The following GRID2 variants were observed in gnomAD, a reference collection of about 807,000 sequenced individuals.
GRID2 encodes glutamate ionotropic receptor delta type subunit 2.
In GRID2, 33 loss-of-function variants were observed where a neutral mutation model predicts 114.8. The observed-to-expected ratio is 0.29, with a 90% CI of 0.22 to 0.38. The LOEUF (loss-of-function observed/expected upper bound fraction) is 0.38, where lower values mean the gene tolerates loss of function less well. Ranked by LOEUF, GRID2 falls within the 10% of genes least tolerant of loss-of-function variation. The pLI, the probability that GRID2 is intolerant of heterozygous loss-of-function variation, is 1.00. For missense variants in GRID2, 1,184 were observed against 1,257.7 expected (o/e 0.94, Z 0.89); for synonymous variants, 505 against 449.9 (o/e 1.12, Z -1.55).
intron 2 of GRID2, among the ~76,000 whole-genome samples, chr4:93,042,584 A>G (rs1247513524): frequency 7.0e-6 from 1 of 142,494 alleles, no homozygotes; most frequent in Non-Finnish European, 1.5e-5. Context: ...ATGGGAAGCT[A>G]TCTTATGCAA....
intron 8 of GRID2, among the ~76,000 whole-genome samples, chr4:93,292,673 A>T (rs1753873182): frequency 6.6e-6 from 1 of 152,140 alleles, no homozygotes; most frequent in Admixed American, 6.5e-5. Flanking sequence ...TTAAGTTATA[A>T]ATTTTAAAAA....
At chr4:92,737,753 C>T (rs1736668604) in intron 2 of GRID2, among the ~76,000 whole-genome samples, 1 of 152,086 alleles carries the variant, frequency 6.6e-6, no homozygotes, top group African/African-American at 2.4e-5. Flanking sequence ...ATAGGGTATT[C>T]TCAATATTTT....
At chr4:93,325,616 A>G (rs2149217577) in intron 8 of GRID2, among the ~76,000 whole-genome samples, 1 of 152,136 alleles carries the variant, frequency 6.6e-6, no homozygotes, top group Non-Finnish European at 1.5e-5. Flanking sequence ...ATTTTTCATT[A>G]CTAGAAGTTC....
chr4:93,668,445 C>G (rs1442133536), intron 14 of GRID2, among the ~76,000 whole-genome samples: 1 of 151,854 alleles, frequency 6.6e-6, no homozygotes, highest in Non-Finnish European at 1.5e-5. Flanking sequence ...TTCAACATTT[C>G]CATCTGTAAT....
At chr4:93,326,572 G>A (rs1435871932) in intron 8 of GRID2, among the ~76,000 whole-genome samples, 1 of 151,654 alleles carries the variant, frequency 6.6e-6, no homozygotes, top group African/African-American at 2.4e-5. Flanking sequence ...TGTTGAGAGA[G>A]CCAATCCAAT....
intron 2 of GRID2, among the ~76,000 whole-genome samples, chr4:92,856,005 C>T (rs961412747): frequency 4.6e-5 from 7 of 151,892 alleles, no homozygotes; most frequent in Non-Finnish European, 1.0e-4. Context: ...AAAAGCCTCA[C>T]GCAAAAAAGA....
At chr4:92,843,466 T>C (rs563639769) in intron 2 of GRID2, among the ~76,000 whole-genome samples, 1 of 152,188 alleles carries the variant, frequency 6.6e-6, no homozygotes, top group Non-Finnish European at 1.5e-5. Context: ...AAATTTAATC[T>C]TAGAAAATGT....
intron 3 of GRID2, among the ~76,000 whole-genome samples, chr4:93,095,714 C>T (rs369671485): frequency 4.0e-5 from 6 of 151,834 alleles, no homozygotes; most frequent in East Asian, 1.9e-4. Flanking sequence ...AAGACATTTA[C>T]GCTAAAAATT....
intron 2 of GRID2, among the ~76,000 whole-genome samples, chr4:93,064,827 C>G (rs1030551367): frequency 6.6e-6 from 1 of 151,810 alleles, no homozygotes; most frequent in Non-Finnish European, 1.5e-5. Context: ...CATGTTAATG[C>G]TTTAGTTAAG....
At chr4:93,649,730 A>G (rs188133796) in intron 14 of GRID2, among the ~76,000 whole-genome samples, 2 of 152,302 alleles carry the variant, frequency 1.3e-5, no homozygotes, top group African/African-American at 4.8e-5. Context: ...TGAATGGGCC[A>G]GAGTCATTCA....
chr4:93,032,420 AT>A (rs945952367), intron 2 of GRID2, among the ~76,000 whole-genome samples: 3 of 152,126 alleles, frequency 2.0e-5, no homozygotes, highest in South Asian at 4.2e-4. Context: ...TGAACAGCAG[AT>A]TTTTTTTAAA....
chr4:92,336,954 G>GTTTTTTTTTTTTT (rs59093874), intron 1 of GRID2, among the ~76,000 whole-genome samples: 7 of 78,184 alleles, frequency 9.0e-5, no homozygotes, highest in African/African-American at 1.1e-4. Flanking sequence ...TTTCGTTGTT[G>GTTTTTTTTTTTTT]TTTTTTTTTT....
chr4:93,404,662 G>T (rs1156813553), intron 9 of GRID2, among the ~76,000 whole-genome samples: 1 of 152,088 alleles, frequency 6.6e-6, no homozygotes, highest in Admixed American at 6.6e-5. Flanking sequence ...TTCTTCTTAT[G>T]CACAGACTGT....
intron 2 of GRID2, among the ~76,000 whole-genome samples, chr4:92,820,390 C>G (rs1175446126): frequency 1.2e-4 from 19 of 152,064 alleles, no homozygotes. Flanking sequence ...AGCTGAAAGT[C>G]AGAGAAACAG....
chr4:93,058,579 A>G (rs1309971069), intron 2 of GRID2, among the ~76,000 whole-genome samples: 1 of 151,822 alleles, frequency 6.6e-6, no homozygotes, highest in Non-Finnish European at 1.5e-5. Context: ...GCTCTCTGCT[A>G]TGTGTGCCGT....
At chr4:93,470,571 A>G (rs1008227907) in intron 11 of GRID2, among the ~76,000 whole-genome samples, 7 of 152,114 alleles carry the variant, frequency 4.6e-5, no homozygotes, top group South Asian at 2.1e-4. Flanking sequence ...CATATACCAA[A>G]TAAATATTAT....
intron 3 of GRID2, among the ~76,000 whole-genome samples, chr4:93,099,154 T>G (rs1311596148): frequency 6.6e-6 from 1 of 151,870 alleles, no homozygotes; most frequent in Non-Finnish European, 1.5e-5. Context: ...CTGAGTTACA[T>G]GATGACTCTT....
intron 2 of GRID2, among the ~76,000 whole-genome samples, chr4:92,721,152 G>A (rs1056543526): frequency 6.6e-6 from 1 of 152,098 alleles, no homozygotes; most frequent in Admixed American, 6.6e-5. Flanking sequence ...AGGGTTCAGG[G>A]TGGGACAAAT....
intron 1 of GRID2, among the ~76,000 whole-genome samples, chr4:92,506,894 AAT>A (rs1350799921): frequency 6.6e-6 from 1 of 151,800 alleles, no homozygotes; most frequent in African/African-American, 2.4e-5. Context: ...CATTTTTTCT[AAT>A]ATGTCTTTTA....
Sources: allele counts gnomAD v4.1 joint callset (sites outside exome capture counted in the v4.1 genomes callset), GRCh38; gene constraint gnomAD v4.1.1; transcripts MANE v1.5; gene names NCBI Gene and HGNC (gene_info 2026-07-23, HGNC 2026-07-21).